EPS15L1: variants seen among roughly 807,000 people sequenced by gnomAD.
The protein encoded by EPS15L1 is epidermal growth factor receptor pathway substrate 15 like 1.
In EPS15L1, 43 loss-of-function variants were observed where a neutral mutation model predicts 117.1. The observed-to-expected ratio is 0.37, with a 90% CI of 0.29 to 0.47. The LOEUF (loss-of-function observed/expected upper bound fraction) is 0.47, where lower values mean the gene tolerates loss of function less well. Among genes scored for constraint, EPS15L1 ranks in the 20% least tolerant of loss-of-function variants. EPS15L1 has a pLI of 0.99. For missense variants in EPS15L1, 981 were observed against 1,164.0 expected, an observed-to-expected ratio of 0.84 and a Z score of 2.29; for synonymous variants, 459 against 470.5, an observed-to-expected ratio of 0.98 and a Z score of 0.32.
At chr19:16,465,986 A>T (rs886814266) in intron 1 of EPS15L1, among the ~76,000 whole-genome samples, 68 of 126,160 alleles carry the variant, frequency 5.4e-4, no homozygotes, top group African/African-American at 1.1e-3. Flanking sequence ...CACTTTATCT[A>T]TTTTTTTTTT....
At position 16,440,845 on chromosome 19, in the gene EPS15L1, T is replaced by C; in HGVS notation, c.213+17A>G. ...CTGCCCAGCCCCTCCATTTGCTCTG[T>C]GTACATGTGTATATACCTGTTTGTC... On this transcript the variant is annotated intron_variant, in intron 4 of 23. Transcript: ENST00000455140. The C allele has an allele frequency of 6.2e-7, 1 of 1,613,854 alleles. No individual in the cohort carries two copies. The highest frequency in any genetic ancestry group is 8.5e-7 in the Non-Finnish European group (1 of 1,179,730).
chr19:16,426,063 T>C (rs182122884), intron 8 of EPS15L1, among the ~76,000 whole-genome samples: 43 of 152,298 alleles, frequency 2.8e-4, no homozygotes, highest in African/African-American at 1.0e-3. Context: ...TATCAAGGCG[T>C]GCCCCACATG....
chr19:16,422,160 G>A (rs536932871), intron 9 of EPS15L1, among the ~76,000 whole-genome samples: 11 of 152,290 alleles, frequency 7.2e-5, no homozygotes, highest in African/African-American at 2.6e-4. Flanking sequence ...ACAGCCCTGG[G>A]GCTGGGTCAC....
chr19:16,400,324 GA>G (rs1568418620), intron 16 of EPS15L1, among the ~76,000 whole-genome samples: 1 of 141,058 alleles, frequency 7.1e-6, no homozygotes, highest in Non-Finnish European at 1.5e-5. Context: ...GAGACAGAGC[GA>G]GACTCCGTCT....
intron 1 of EPS15L1, among the ~76,000 whole-genome samples, chr19:16,448,550 G>GGT (rs983652615): frequency 2.1e-5 from 3 of 143,092 alleles, no homozygotes; most frequent in Admixed American, 1.4e-4. Context: ...AAAAAAAAGG[G>GGT]GGGGGGAGAA....
intron 16 of EPS15L1, among the ~76,000 whole-genome samples, chr19:16,396,235 G>C (rs2092539434): frequency 6.6e-6 from 1 of 152,196 alleles, no homozygotes; most frequent in Non-Finnish European, 1.5e-5. Flanking sequence ...ACTGGGTGTG[G>C]GATATAGAGG....
chr19:16,425,254 G>C lies in EPS15L1; in HGVS notation c.621C>G (p.Ser207=). 6.3e-7 allele frequency: 1 copy of C among 1,593,044 alleles called. No homozygotes were observed. The highest frequency in any genetic ancestry group is 8.6e-7 in the Non-Finnish European group (1 of 1,161,700). The part of the protein sequence containing the change: ...KEPVPSALPP[S]LIPPSKRKKT... ...TCTTTCTCTTGGAGGGTGGGATGAG[G>C]GACGGGGGCAGGGCGGAGGGCACGG... is the stretch of plus-strand genomic sequence containing the variant. Residue 207 remains serine (S), a synonymous_variant, in exon 9 of 24, where the codon TCC becomes TCG. Transcript: ENST00000455140.
intron 21 of EPS15L1, among the ~76,000 whole-genome samples, chr19:16,379,394 G>A (rs561814600): frequency 7.2e-5 from 11 of 152,276 alleles, no homozygotes; most frequent in South Asian, 2.1e-4. Context: ...GGGAGGGGCC[G>A]GGGGTCTTTA....
At position 16,443,231 on chromosome 19, in the gene EPS15L1, G is replaced by A. The variant is rs566590431; in HGVS notation, c.34-1012C>T. Among the ~76,000 whole-genome samples the A allele has an allele frequency of 1.0e-3, 155 of 152,232 alleles. 2 individuals carry two copies. Among genetic ancestry groups the A allele is most frequent in the South Asian group, 7.3e-3 (35 of 4,826 alleles). On this transcript the variant is annotated intron_variant, in intron 1 of 23. Transcript: ENST00000455140. ...AGAATAGAACTGGGCAGGGAAAAGA[G>A]GACTATCTTGGGGGCAGGATTACAG... is the stretch of plus-strand genomic sequence containing the variant.
At chr19:16,422,460 A>C (rs2092826021) in intron 9 of EPS15L1, among the ~76,000 whole-genome samples, 1 of 151,988 alleles carries the variant, frequency 6.6e-6, no homozygotes, top group Non-Finnish European at 1.5e-5. Context: ...AAACAATCTC[A>C]TAATAGCAAT....
At chr19:16,402,177 C>A (rs1397556413) in intron 16 of EPS15L1, 144 bp downstream of exon 16, 2 of 1,451,070 alleles carry the variant, frequency 1.4e-6, no homozygotes, top group African/African-American at 1.4e-5. Flanking sequence ...TGTGAACGCG[C>A]AAAGTGGCAG....
At chr19:16,441,090 G>A in intron 3 of EPS15L1, 181 bp from the exon 4 acceptor site, 1 of 666,252 alleles carries the variant, frequency 1.5e-6, no homozygotes, top group Non-Finnish European at 2.7e-6. Context: ...GGGGCGCACA[G>A]CCAGTCAGCG....
At chr19:16,442,690 T>TCCATCC (rs2093044086) in intron 1 of EPS15L1, among the ~76,000 whole-genome samples, 1 of 152,178 alleles carries the variant, frequency 6.6e-6, no homozygotes, top group Admixed American at 6.5e-5. Context: ...AACCATCCCA[T>TCCATCC]CCATCCTCCT....
intron 22 of EPS15L1, among the ~76,000 whole-genome samples, chr19:16,372,381 C>T (rs143382244): frequency 3.5e-4 from 53 of 152,314 alleles, no homozygotes; most frequent in Non-Finnish European, 6.0e-4. Context: ...GCAGCTCCCA[C>T]GGAATTTGAA....
At chr19:16,408,726 A>G (rs1017658942) in intron 13 of EPS15L1, among the ~76,000 whole-genome samples, 1 of 152,114 alleles carries the variant, frequency 6.6e-6, no homozygotes, top group African/African-American at 2.4e-5. Context: ...GACAGAGAAG[A>G]AAAAGATGGA....
Position 16,402,444 on chromosome 19 carries a change from C to T in EPS15L1, c.1668G>A (p.Glu556=). 1 of 1,611,556 alleles carries T rather than the reference C, an allele frequency of 6.2e-7. No individual in the cohort carries two copies. ...KLSQLHESRQ[E]AHRSLEQYDQ... is the part of the protein sequence containing the mutation. ...CATACTGCTCCAGGCTCCTGTGGGC[C>T]TCCTGGCGGCTTTCATGCAGCTGGG... Residue 556 remains glutamate (E), a synonymous_variant, in exon 16 of 24, where the codon GAG becomes GAA. Transcript: ENST00000455140.
At chr19:16,452,648 A>C (rs558262939) in intron 1 of EPS15L1, among the ~76,000 whole-genome samples, 16 of 152,052 alleles carry the variant, frequency 1.1e-4, no homozygotes, top group Non-Finnish European at 2.1e-4. Context: ...AAAAAAAAAA[A>C]AAACCTAAGA....
intron 1 of EPS15L1, among the ~76,000 whole-genome samples, chr19:16,462,612 G>A (rs2093263971): frequency 6.6e-6 from 1 of 152,180 alleles, no homozygotes; most frequent in Non-Finnish European, 1.5e-5. Flanking sequence ...AAGCTGCAGT[G>A]AGCCAAGATC....
rs1297356362 is a variant in EPS15L1, at chr19:16,405,671, G to A, written c.1267-922C>T. 2.0e-5 allele frequency among the ~76,000 whole-genome samples: 3 copies of A among 152,230 alleles called. No homozygotes were observed. The highest frequency in any genetic ancestry group is 7.2e-5 in the African/African-American group (3 of 41,462). ...ATGGCGCCGTGTGCTTTGCCTTACA[G>A]TGGGACATGAGCACACTGCATTTGT... On this transcript the variant is annotated intron_variant, in intron 13 of 23. Coordinates refer to ENST00000455140, the MANE Select transcript of EPS15L1 (RefSeq NM_001258374.3). The surrounding 1 kb of genome is among the most constrained non-coding windows in gnomAD (Gnocchi z 4.0).
Sources: allele counts gnomAD v4.1 joint callset (sites outside exome capture counted in the v4.1 genomes callset), GRCh38; gene constraint gnomAD v4.1.1; non-coding constraint Gnocchi (gnomAD v3.1); transcripts MANE v1.5; gene names NCBI Gene and HGNC (gene_info 2026-07-23, HGNC 2026-07-21).